Variants in ZNF609 observed in about 807,000 individuals in gnomAD.
The protein encoded by ZNF609 is zinc finger protein 609.
Under a neutral mutation model 109.5 loss-of-function variants are expected in ZNF609, and 11 were observed. The ratio of observed to expected loss-of-function variants is 0.10; its 90% CI spans 0.06 to 0.17. ZNF609 has a LOEUF of 0.17. ZNF609 is among the 10% of genes least tolerant of loss of function. The pLI is 1.00. For missense variants in ZNF609, 1,559 were observed against 1,772.4 expected, an observed-to-expected ratio of 0.88 and a Z score of 2.16; for synonymous variants, 646 against 662.0, an observed-to-expected ratio of 0.98 and a Z score of 0.37.
At chr15:64,542,665 A>C (rs1251502162) in intron 2 of ZNF609, among the ~76,000 whole-genome samples, 4 of 152,228 alleles carry the variant, frequency 2.6e-5, no homozygotes, top group African/African-American at 9.7e-5. Flanking sequence ...CTGAGGCTGA[A>C]ACAGAGAATC....
At chr15:64,602,755 C>T (rs1217262593) in intron 2 of ZNF609, among the ~76,000 whole-genome samples, 2 of 118,734 alleles carry the variant, frequency 1.7e-5, no homozygotes, top group Non-Finnish European at 3.2e-5. Flanking sequence ...CGGAGTCTTG[C>T]TCTGTCACCC....
intron 3 of ZNF609, among the ~76,000 whole-genome samples, chr15:64,634,184 G>A (rs2140985464): frequency 6.6e-6 from 1 of 152,152 alleles, no homozygotes; most frequent in South Asian, 2.1e-4. Context: ...ACAGACCCAT[G>A]GTGACTTCTG....
chr15:64,533,599 C>G (rs1040296370), intron 2 of ZNF609, among the ~76,000 whole-genome samples: 2 of 152,152 alleles, frequency 1.3e-5, no homozygotes, highest in African/African-American at 2.4e-5. Flanking sequence ...TAGTTCATCC[C>G]CCTCCTTGTG....
chr15:64,465,945 A>G (rs1055792856), intron 1 of ZNF609, among the ~76,000 whole-genome samples: 3 of 151,638 alleles, frequency 2.0e-5, no homozygotes, highest in Admixed American at 6.6e-5. Context: ...GTGAAACTCC[A>G]TCTCTACTAA....
chr15:64,677,631 G>A (rs889307115), intron 5 of ZNF609, among the ~76,000 whole-genome samples: 2 of 152,160 alleles, frequency 1.3e-5, no homozygotes, highest in Non-Finnish European at 2.9e-5. Context: ...CTAGGAACTT[G>A]GAATCTCATA....
chr15:64,534,224 T>C (rs1438803878), intron 2 of ZNF609, among the ~76,000 whole-genome samples: 1 of 152,038 alleles, frequency 6.6e-6, no homozygotes, highest in Non-Finnish European at 1.5e-5. Flanking sequence ...TTGGTCAGGC[T>C]GGTCTTGAAC....
At chr15:64,483,164 C>G (rs1452374331) in intron 1 of ZNF609, among the ~76,000 whole-genome samples, 4 of 150,676 alleles carry the variant, frequency 2.7e-5, no homozygotes, top group African/African-American at 9.8e-5. Context: ...GGTGCTATCT[C>G]AGCTCCCTGC....
At chr15:64,525,970 A>G (rs1893962651) in intron 2 of ZNF609, among the ~76,000 whole-genome samples, 1 of 151,890 alleles carries the variant, frequency 6.6e-6, no homozygotes, top group Non-Finnish European at 1.5e-5. Flanking sequence ...TTGTATTTTT[A>G]GTAGAGCTCG....
chr15:64,601,893 A>G (rs1895503479), intron 2 of ZNF609, among the ~76,000 whole-genome samples: 1 of 152,186 alleles, frequency 6.6e-6, no homozygotes, highest in Non-Finnish European at 1.5e-5. Flanking sequence ...TGGAAAAGAG[A>G]ATAAGCTTCA....
intron 2 of ZNF609, among the ~76,000 whole-genome samples, chr15:64,532,843 G>T (rs898516446): frequency 6.6e-6 from 1 of 152,150 alleles, no homozygotes; most frequent in African/African-American, 2.4e-5. Flanking sequence ...TGAAAAAGAG[G>T]ACTGGGGCTT....
chr15:64,680,438 A>C lies in ZNF609; in HGVS notation c.3945+78A>C, dbSNP rs550278283. ...TCCAGGGTCTGGGAGAAGGTGGGCA[A>C]GTTCAGGTCCTGACCACAGTGCAGC... On this transcript the variant is annotated intron_variant, in intron 7 of 9. Transcript: ENST00000326648. 18 of 1,555,994 alleles carry C rather than the reference A, an allele frequency of 1.2e-5. No individual in the cohort carries two copies. The East Asian group carries it at 3.4e-4, about 29-fold the overall frequency.
chr15:64,490,633 C>G (rs1229454848), intron 1 of ZNF609, among the ~76,000 whole-genome samples: 3 of 152,036 alleles, frequency 2.0e-5, no homozygotes, highest in Admixed American at 2.0e-4. Flanking sequence ...GCTTTTTGGC[C>G]TAGCTATACA....
intron 1 of ZNF609, among the ~76,000 whole-genome samples, chr15:64,491,091 A>G (rs1037678391): frequency 6.6e-6 from 1 of 152,214 alleles, no homozygotes; most frequent in East Asian, 1.9e-4. Flanking sequence ...GCTGAAAGCT[A>G]TGGTACTTGA....
intron 3 of ZNF609, among the ~76,000 whole-genome samples, chr15:64,636,094 G>A (rs1471962139): frequency 6.6e-6 from 1 of 152,136 alleles, no homozygotes; most frequent in Non-Finnish European, 1.5e-5. Context: ...CTTAAGCTTT[G>A]TTAGGCCCAT....
In ZNF609 at chr15:64,675,022, C is replaced by T. The variant is rs1399462239; in HGVS notation, c.2168C>T (p.Pro723Leu). The T allele has an allele frequency of 1.9e-6, 3 of 1,613,934 alleles. No individual in the cohort carries two copies. Among genetic ancestry groups the T allele is most frequent in the African/African-American group, 2.7e-5 (2 of 74,890 alleles). ...TTCACAGTCAACCCTGCCTTGACTC[C>T]AGCCAAGGACAAGAAAAAGAAAGAC... The part of the protein sequence containing the change: ...EPFTVNPALT[P>L]AKDKKKKDKK... The change falls in exon 5 of 10, where the codon CCA (proline) becomes CTA (leucine). Residue 723 changes from proline to leucine, a missense_variant. This residue lies in a region of ZNF609 where 1,204 missense variants were observed against 1,314.1 expected (regional missense o/e 0.92). Coordinates refer to ENST00000326648, the MANE Select transcript of ZNF609 (RefSeq NM_015042.2).
At chr15:64,537,217 G>A (rs954765215) in intron 2 of ZNF609, among the ~76,000 whole-genome samples, 1 of 149,786 alleles carries the variant, frequency 6.7e-6, no homozygotes, top group Non-Finnish European at 1.5e-5. Flanking sequence ...AGTGAGACTC[G>A]CTGGGTGCGG....
intron 2 of ZNF609, among the ~76,000 whole-genome samples, chr15:64,617,892 TTTG>T (rs1264278728): frequency 1.3e-5 from 2 of 152,164 alleles, no homozygotes; most frequent in Non-Finnish European, 2.9e-5. Context: ...AAGCTTTTGT[TTTG>T]TTGTTTACCT....
intron 2 of ZNF609, among the ~76,000 whole-genome samples, chr15:64,617,004 C>T (rs1300345924): frequency 6.6e-6 from 1 of 150,622 alleles, no homozygotes; most frequent in African/African-American, 2.4e-5. Flanking sequence ...GATGGGGTTT[C>T]ACCATGTTGG....
intron 2 of ZNF609, among the ~76,000 whole-genome samples, chr15:64,515,735 G>A (rs1032172879): frequency 6.6e-6 from 1 of 151,892 alleles, no homozygotes; most frequent in Admixed American, 6.6e-5. Context: ...TCAGGAGTTC[G>A]AGACCAGCCT....
Sources: allele counts gnomAD v4.1 joint callset (sites outside exome capture counted in the v4.1 genomes callset), GRCh38; gene constraint gnomAD v4.1.1; regional missense constraint gnomAD v4.1.1; transcripts MANE v1.5; gene names NCBI Gene and HGNC (gene_info 2026-07-23, HGNC 2026-07-21).